The following RABGAP1L variants were observed in gnomAD, a reference collection of about 807,000 sequenced individuals.
RABGAP1L encodes the protein RAB GTPase activating protein 1 like, also known as rab GTPase-activating protein 1-like.
In RABGAP1L, 63 loss-of-function variants were observed where a neutral mutation model predicts 137.7. That is an observed-to-expected ratio of 0.46 (90% CI 0.37 to 0.56). The LOEUF (loss-of-function observed/expected upper bound fraction) is 0.56, where lower values mean the gene tolerates loss of function less well. RABGAP1L is among the 20% of genes least tolerant of loss of function. The pLI is 0.00. For missense variants in RABGAP1L, 1,095 were observed against 1,244.0 expected, an observed-to-expected ratio of 0.88 and a Z score of 1.80; for synonymous variants, 431 against 433.7, an observed-to-expected ratio of 0.99 and a Z score of 0.08.
At chr1:174,293,182 T>G (rs1279114853) in intron 10 of RABGAP1L, among the ~76,000 whole-genome samples, 1 of 152,114 alleles carries the variant, frequency 6.6e-6, no homozygotes, top group Non-Finnish European at 1.5e-5. Flanking sequence ...TTCAATTTGG[T>G]TTTTCCTTAC....
intron 17 of RABGAP1L, among the ~76,000 whole-genome samples, chr1:174,739,650 G>A (rs1436856682): frequency 1.3e-5 from 2 of 152,184 alleles, no homozygotes; most frequent in Non-Finnish European, 2.9e-5. Flanking sequence ...AAGCAGCCAT[G>A]GTTGAGAGCC....
At chr1:174,564,414 G>A (rs866980035) in intron 13 of RABGAP1L, among the ~76,000 whole-genome samples, 1 of 152,192 alleles carries the variant, frequency 6.6e-6, no homozygotes, top group Middle Eastern at 3.4e-3. Context: ...CTTTGCATGT[G>A]TTGCTTTGTT....
At chr1:174,595,963 G>A (rs1246451359) in intron 13 of RABGAP1L, among the ~76,000 whole-genome samples, 2 of 102,252 alleles carry the variant, frequency 2.0e-5, no homozygotes, top group Non-Finnish European at 3.6e-5. Context: ...CCTCGTTGCC[G>A]CCTTGCAGTT....
intron 25 of RABGAP1L, 109 bp downstream of exon 25, chr1:174,988,947 A>AT: frequency 1.0e-6 from 1 of 983,674 alleles, no homozygotes; most frequent in Non-Finnish European, 1.4e-6. Flanking sequence ...TGATGAATAC[A>AT]TTTTCTGTCT....
chr1:174,445,789 G>A (rs1040689037), intron 13 of RABGAP1L, among the ~76,000 whole-genome samples: 3 of 152,140 alleles, frequency 2.0e-5, no homozygotes, highest in Non-Finnish European at 4.4e-5. Flanking sequence ...AGGGTTTACA[G>A]GAGTATGGCA....
chr1:174,187,251 T>C (rs971371784), intron 1 of RABGAP1L, among the ~76,000 whole-genome samples: 4 of 151,734 alleles, frequency 2.6e-5, no homozygotes, highest in African/African-American at 9.7e-5. Context: ...CCCTTTTCTC[T>C]TCCTTCACTC....
intron 11 of RABGAP1L, among the ~76,000 whole-genome samples, chr1:174,333,859 G>A (rs1681250498): frequency 6.6e-6 from 1 of 151,636 alleles, no homozygotes; most frequent in South Asian, 2.1e-4. Context: ...GATTTTTGTA[G>A]CAAAGGAGTG....
intron 1 of RABGAP1L, among the ~76,000 whole-genome samples, chr1:174,180,613 T>A (rs758088360): frequency 6.6e-5 from 10 of 152,076 alleles, no homozygotes; most frequent in Non-Finnish European, 1.2e-4. Context: ...TGAAGGCATA[T>A]GCCACCACGC....
At chr1:174,523,410 A>G (rs1461366948) in intron 13 of RABGAP1L, among the ~76,000 whole-genome samples, 5 of 152,226 alleles carry the variant, frequency 3.3e-5, no homozygotes, top group Non-Finnish European at 7.3e-5. Flanking sequence ...GGAAGAGGGA[A>G]AAAAACAAAC....
intron 1 of RABGAP1L, among the ~76,000 whole-genome samples, chr1:174,168,662 G>A (rs1309156167): frequency 6.6e-6 from 1 of 151,922 alleles, no homozygotes; most frequent in East Asian, 1.9e-4. Context: ...TTTTCCTTCT[G>A]TATTCTAGAA....
intron 14 of RABGAP1L, among the ~76,000 whole-genome samples, chr1:174,655,959 T>A (rs1675936678): frequency 6.6e-6 from 1 of 152,230 alleles, no homozygotes; most frequent in Admixed American, 6.5e-5. Flanking sequence ...TTGTTTCCTT[T>A]AGTCAAAATA....
At chr1:174,288,832 A>ATGTTGTTCTT (rs1464607086) in intron 10 of RABGAP1L, among the ~76,000 whole-genome samples, 8 of 152,004 alleles carry the variant, frequency 5.3e-5, no homozygotes, top group African/African-American at 1.9e-4. Flanking sequence ...ATACTTCTGG[A>ATGTTGTTCTT]ATGCTTATGT....
At chr1:174,522,384 C>T (rs1663486452) in intron 13 of RABGAP1L, among the ~76,000 whole-genome samples, 1 of 152,054 alleles carries the variant, frequency 6.6e-6, no homozygotes, top group Non-Finnish European at 1.5e-5. Context: ...CGAGACTAGC[C>T]TAGGCTATAT....
At chr1:174,539,523 A>G (rs949186973) in intron 13 of RABGAP1L, among the ~76,000 whole-genome samples, 10 of 152,108 alleles carry the variant, frequency 6.6e-5, no homozygotes, top group African/African-American at 2.4e-4. Context: ...ATTCCCACCT[A>G]TGAGTGAGAA....
At chr1:174,667,465 C>T (rs1676871525) in intron 14 of RABGAP1L, among the ~76,000 whole-genome samples, 1 of 152,168 alleles carries the variant, frequency 6.6e-6, no homozygotes, top group Non-Finnish European at 1.5e-5. Context: ...TAGGTACCTT[C>T]CCTAAACCTA....
intron 18 of RABGAP1L, among the ~76,000 whole-genome samples, chr1:174,793,776 A>G (rs1573223958): frequency 6.6e-6 from 1 of 151,966 alleles, no homozygotes; most frequent in African/African-American, 2.4e-5. Context: ...GCTCACTGCA[A>G]CCTCTGCCTC....
At chr1:174,279,647 A>G (rs889669364) in intron 10 of RABGAP1L, among the ~76,000 whole-genome samples, 2 of 152,160 alleles carry the variant, frequency 1.3e-5, no homozygotes, top group Admixed American at 6.6e-5. Context: ...GTGGTTTTAA[A>G]AAAATCTTTC....
chr1:174,493,579 G>A (rs1188885605), intron 13 of RABGAP1L, among the ~76,000 whole-genome samples: 2 of 151,778 alleles, frequency 1.3e-5, no homozygotes, highest in Non-Finnish European at 2.9e-5. Flanking sequence ...TAGCACTTTG[G>A]GAGGCTGAGG....
At chr1:174,553,343 G>C (rs1219844901) in intron 13 of RABGAP1L, among the ~76,000 whole-genome samples, 1 of 152,150 alleles carries the variant, frequency 6.6e-6, no homozygotes, top group Admixed American at 6.5e-5. Flanking sequence ...TTATCTTCCA[G>C]GGTTTTTGCA....
Sources: allele counts gnomAD v4.1 joint callset (sites outside exome capture counted in the v4.1 genomes callset), GRCh38; gene constraint gnomAD v4.1.1; transcripts MANE v1.5; gene names NCBI Gene and HGNC (gene_info 2026-07-23, HGNC 2026-07-21).